Variants in SELENOT observed in about 807,000 individuals in gnomAD.
The protein encoded by SELENOT is thioredoxin reductase-like selenoprotein T.
In SELENOT, 9 loss-of-function variants were observed where a neutral mutation model predicts 24.3. The observed-to-expected ratio is 0.37, with a 90% CI of 0.22 to 0.65. SELENOT has a LOEUF of 0.65. Ranked by LOEUF, SELENOT falls within the 30% of genes least tolerant of loss-of-function variation. SELENOT has a pLI of 0.60. For synonymous variants in SELENOT, 81 were observed against 86.0 expected, an observed-to-expected ratio of 0.94 and a Z score of 0.32; for missense variants, 166 against 247.6, an observed-to-expected ratio of 0.67 and a Z score of 2.21.
chr3:150,603,804 G>C, intron 1 of SELENOT: 1 of 230,368 alleles, frequency 4.3e-6, no homozygotes, highest in East Asian at 8.4e-5. Flanking sequence ...CGGAGGACTG[G>C]TTGGCGGCGT....
chr3:150,616,331 A>G (rs1726217001), intron 1 of SELENOT, among the ~76,000 whole-genome samples: 1 of 141,692 alleles, frequency 7.1e-6, no homozygotes, highest in South Asian at 2.4e-4. Context: ...AATGGCAACA[A>G]AAGCCAAAAT....
At chr3:150,607,615 G>A (rs1203544804) in intron 1 of SELENOT, among the ~76,000 whole-genome samples, 1 of 152,236 alleles carries the variant, frequency 6.6e-6, no homozygotes, top group Non-Finnish European at 1.5e-5. Flanking sequence ...GAAAGATTAT[G>A]TGGTGGTATG....
intron 1 of SELENOT, among the ~76,000 whole-genome samples, chr3:150,608,108 C>T (rs150989857): frequency 1.2e-4 from 18 of 152,006 alleles, no homozygotes; most frequent in African/African-American, 4.3e-4. Flanking sequence ...AAAGATGATT[C>T]CTGAGTTCTG....
chr3:150,610,799 C>T (rs1321703417), intron 1 of SELENOT, among the ~76,000 whole-genome samples: 2 of 152,186 alleles, frequency 1.3e-5, no homozygotes, highest in South Asian at 4.1e-4. Context: ...TACCTACATA[C>T]ATGTGTCACT....
intron 1 of SELENOT, chr3:150,611,762 G>T: frequency 7.7e-7 from 1 of 1,293,678 alleles, no homozygotes; most frequent in Non-Finnish European, 1.1e-6. Context: ...GGGCCCAGCC[G>T]CTGAGACCGC....
chr3:150,607,406 C>T (rs59747567), intron 1 of SELENOT, among the ~76,000 whole-genome samples: 2,255 of 152,284 alleles, frequency 0.015, 62 homozygotes, highest in African/African-American at 0.051. Context: ...TTGTGAGTTA[C>T]AGAGATCATG....
At chr3:150,623,705 T>C (rs989840812) in intron 3 of SELENOT, among the ~76,000 whole-genome samples, 1 of 152,112 alleles carries the variant, frequency 6.6e-6, no homozygotes, top group African/African-American at 2.4e-5. Flanking sequence ...TGTTTCTCTT[T>C]TCCTTTTGTA....
intron 1 of SELENOT, among the ~76,000 whole-genome samples, chr3:150,613,493 G>A (rs1197560833): frequency 6.6e-6 from 1 of 152,038 alleles, no homozygotes; most frequent in Non-Finnish European, 1.5e-5. Flanking sequence ...AAATATGAGT[G>A]GACGTAGTAC....
intron 4 of SELENOT, among the ~76,000 whole-genome samples, chr3:150,625,980 C>T (rs1247002722): frequency 6.6e-6 from 1 of 151,934 alleles, no homozygotes; most frequent in East Asian, 1.9e-4. Flanking sequence ...CGCCATTCTC[C>T]TGCCTCAGCC....
Position 150,629,041 on chromosome 3 carries a change from G to C in SELENOT, c.*1412G>C, listed in dbSNP as rs143236324. 6.6e-6 allele frequency: 1 copy of C among 152,062 alleles called. No homozygotes were observed. Among genetic ancestry groups the C allele is most frequent in the Non-Finnish European group, 1.5e-5 (1 of 68,002 alleles). 9.4% of individuals were successfully genotyped at this position (152,062 alleles called of 1,614,324 possible). The stretch of plus-strand genomic sequence containing the variant: ...GAGCATTTCCTTTGAGTGTCATGTT[G>C]GCACTCAAAAAGGTTCAACATTGAG... On this transcript the variant is annotated 3_prime_UTR_variant, in exon 6 of 6. Coordinates refer to ENST00000471696, the MANE Select transcript of SELENOT (RefSeq NM_016275.5).
At chr3:150,611,516 C>T (rs1268188692) in intron 1 of SELENOT, 5 of 1,092,340 alleles carry the variant, frequency 4.6e-6, no homozygotes, top group African/African-American at 3.1e-5. Flanking sequence ...GGTGAATCAC[C>T]TCCATCATCA....
intron 1 of SELENOT, 23 bp downstream of exon 1, chr3:150,603,522 G>C: frequency 6.4e-7 from 1 of 1,558,596 alleles, no homozygotes; most frequent in Non-Finnish European, 8.7e-7. Context: ...ACTGGGCCCC[G>C]GCCACCCCGC....
chr3:150,627,433 T>C (rs1726468102), intron 5 of SELENOT, among the ~76,000 whole-genome samples: 1 of 152,236 alleles, frequency 6.6e-6, no homozygotes, highest in South Asian at 2.1e-4. Flanking sequence ...AGAGTTGATA[T>C]ATTATGCTAG....
chr3:150,621,258 C>T (rs182824645), intron 1 of SELENOT, among the ~76,000 whole-genome samples: 9 of 152,146 alleles, frequency 5.9e-5, no homozygotes, highest in Admixed American at 3.3e-4. Context: ...TCTCACTTAC[C>T]GTTCCCTCAC....
In SELENOT at chr3:150,629,917, G is replaced by A. The variant is rs536823197; in HGVS notation, c.*2288G>A. 1 of 152,694 alleles carries A rather than the reference G, an allele frequency of 6.5e-6. No homozygotes were observed. The highest frequency in any genetic ancestry group is 1.9e-4 in the East Asian group (1 of 5,192). The allele number at this position is 152,694 out of a possible 1,614,324, so 9.5% of individuals were successfully genotyped here. A position where few individuals can be genotyped will look rare whatever the true frequency, so the allele number is the denominator to read the frequency against. ...GTGGCTGTGTAGTTTATAAATGTCTGTGCACTATATTAATTAGAAGACCAT... is the reference window on the plus strand; with the variant it reads ...GTGGCTGTGTAGTTTATAAATGTCTATGCACTATATTAATTAGAAGACCAT... On this transcript the variant is annotated 3_prime_UTR_variant, in exon 6 of 6. Transcript: ENST00000471696.
rs76260472 is a variant in SELENOT at position 150,605,849 on chromosome 3, A to G, written c.137+2350A>G. 1.8e-4 allele frequency among the ~76,000 whole-genome samples: 27 copies of G among 152,352 alleles called. No homozygotes were observed. In the East Asian group the frequency reaches 4.2e-3, roughly 24 times the overall value. On this transcript the variant is annotated intron_variant, in intron 1 of 5. Transcript: ENST00000471696. ...ACAGGAAGCTAATACGTTTGAGGAT[A>G]AACATGAGAATTTTAAAATTCCATT... is the stretch of plus-strand genomic sequence containing the variant.
chr3:150,614,578 G>A (rs1197815736), intron 1 of SELENOT: 1 of 154,596 alleles, frequency 6.5e-6, no homozygotes, highest in Non-Finnish European at 1.5e-5. Context: ...TTCATGGTTA[G>A]TTCAGCTAGG....
intron 1 of SELENOT, among the ~76,000 whole-genome samples, chr3:150,621,271 C>A (rs553431251): frequency 1.3e-5 from 2 of 151,792 alleles, no homozygotes; most frequent in Non-Finnish European, 2.9e-5. Flanking sequence ...TCCCTCACAC[C>A]CCCCCCAAAA....
chr3:150,614,843 T>TTTTA (rs374324068), intron 1 of SELENOT, among the ~76,000 whole-genome samples: 1 of 151,544 alleles, frequency 6.6e-6, no homozygotes, highest in Admixed American at 6.6e-5. Flanking sequence ...TTCATTGTCA[T>TTTTA]TTTATTTATT....
Sources: gnomAD v4.1 joint callset for allele counts (sites outside exome capture counted in the v4.1 genomes callset) on GRCh38, gnomAD v4.1.1 for gene constraint, MANE v1.5 for transcripts, NCBI Gene and HGNC (gene_info 2026-07-23, HGNC 2026-07-21) for gene names.